IGF2BP3: variants seen among roughly 807,000 people sequenced by gnomAD.
IGF2BP3 encodes the protein insulin-like growth factor 2 mRNA-binding protein 3.
A neutral mutation model predicts 73.8 loss-of-function variants in IGF2BP3; 9 were observed. The observed-to-expected ratio is 0.12, with a 90% CI of 0.07 to 0.21. The LOEUF (loss-of-function observed/expected upper bound fraction) is 0.21, where lower values mean the gene tolerates loss of function less well. Ranked by LOEUF, IGF2BP3 falls within the 10% of genes least tolerant of loss-of-function variation. IGF2BP3 has a pLI of 1.00. For missense variants in IGF2BP3, 542 were observed against 714.0 expected (o/e 0.76, Z 2.75); for synonymous variants, 258 against 256.7 (o/e 1.01, Z -0.05).
At chr7:23,387,660 C>T (rs915714573) in intron 3 of IGF2BP3, among the ~76,000 whole-genome samples, 2 of 152,134 alleles carry the variant, frequency 1.3e-5, no homozygotes, top group African/African-American at 4.8e-5. Context: ...TTTAAATTAT[C>T]TGATTTTAAA....
chr7:23,411,519 T>C (rs868388645), intron 3 of IGF2BP3, among the ~76,000 whole-genome samples: 7 of 152,312 alleles, frequency 4.6e-5, no homozygotes, highest in African/African-American at 1.7e-4. Context: ...AGGTGGACAC[T>C]GTAGTGAGCA....
rs533279372 is a variant in IGF2BP3 at position 23,326,236 on chromosome 7, C to T, written c.1204-6982G>A. 1.6e-3 allele frequency among the ~76,000 whole-genome samples: 242 copies of T among 152,128 alleles called. 2 individuals carry two copies. Among genetic ancestry groups the T allele is most frequent in the African/African-American group, 5.6e-3 (234 of 41,492 alleles). ...AATTTACAGGAAAAAAACAAATAAC[C>T]CCATCAAAAAGTGGGCCAAGGACAT... On this transcript the variant is annotated intron_variant, in intron 10 of 14. Coordinates refer to ENST00000258729, the MANE Select transcript of IGF2BP3 (RefSeq NM_006547.3).
intron 10 of IGF2BP3, among the ~76,000 whole-genome samples, chr7:23,323,379 A>G (rs1417697172): frequency 1.4e-5 from 2 of 145,152 alleles, no homozygotes; most frequent in African/African-American, 5.4e-5. Context: ...ACTATCCTAA[A>G]TATATATGCA....
chr7:23,317,270 G>C (rs965566156), intron 12 of IGF2BP3, among the ~76,000 whole-genome samples: 2 of 152,274 alleles, frequency 1.3e-5, no homozygotes, highest in Non-Finnish European at 2.9e-5. Context: ...AAGGAAAAAG[G>C]GGGCATTTTA....
chr7:23,377,208 A>G (rs540583751), intron 3 of IGF2BP3, among the ~76,000 whole-genome samples: 8 of 152,246 alleles, frequency 5.3e-5, no homozygotes, highest in Non-Finnish European at 1.2e-4. Context: ...TAATGGGAGA[A>G]AATATTTGCA....
At chr7:23,429,507 T>C (rs1787613501) in intron 2 of IGF2BP3, among the ~76,000 whole-genome samples, 1 of 152,202 alleles carries the variant, frequency 6.6e-6, no homozygotes, top group Non-Finnish European at 1.5e-5. Flanking sequence ...CTGATTTCAC[T>C]TATAATCCAA....
Position 23,351,583 on chromosome 7 carries a change from T to G in IGF2BP3, c.405A>C (p.Ala135=). 6.2e-7 allele frequency: 1 copy of G among 1,614,044 alleles called. No homozygotes were observed. Among genetic ancestry groups the G allele is most frequent in the African/African-American group, 1.3e-5 (1 of 75,020 alleles). ...TYSSKDQARQ[A]LDKLNGFQLE... is the part of the protein sequence containing the mutation. ...ACTGAAATCCATTCAGTTTGTCTAG[T>G]GCTCTGAAAGTTGAAAAGGGGCAGG... Residue 135 remains alanine, a synonymous_variant, in exon 6 of 15, where the codon GCA becomes GCC. Coordinates refer to ENST00000258729, the MANE Select transcript of IGF2BP3 (RefSeq NM_006547.3).
rs1788619973 is a variant in IGF2BP3, at chr7:23,468,403, A to C, written c.236+79T>G. ...CACGGCAGGGGGTAAGCACCAGAGG[A>C]CAAGAAGTTCTCAGCTGAGTCTCTC... On this transcript the variant is annotated intron_variant, in intron 2 of 14. Coordinates refer to ENST00000258729, the MANE Select transcript of IGF2BP3 (RefSeq NM_006547.3). The C allele has an allele frequency of 2.8e-6, 4 of 1,440,710 alleles. No individual in the cohort carries two copies. In the South Asian group the frequency reaches 4.6e-5, roughly 16 times the overall value. The allele number at this position is 1,440,710 out of a possible 1,614,324, so 89.2% of individuals were successfully genotyped here. A position where few individuals can be genotyped will look rare whatever the true frequency, so the allele number is the denominator to read the frequency against.
intron 10 of IGF2BP3, 35 bp downstream of exon 10, chr7:23,342,029 C>T (rs755296245): frequency 6.6e-7 from 1 of 1,517,868 alleles, no homozygotes; most frequent in Non-Finnish European, 8.8e-7. Flanking sequence ...AAGATTTTGC[C>T]CAATCACAAA....
Position 23,351,342 on chromosome 7 carries a change from C to T in IGF2BP3, c.646G>A (p.Ala216Thr), listed in dbSNP as rs1274801230. 20 of 1,613,780 alleles carry T rather than the reference C, an allele frequency of 1.2e-5. No individual in the cohort carries two copies. The highest frequency in any genetic ancestry group is 1.6e-5 in the Non-Finnish European group (19 of 1,179,906). ...FVGAIIGKEGATIRNITKQTQ... is the reference protein window; with the variant it reads ...FVGAIIGKEGTTIRNITKQTQ... Reference sequence around the variant, plus strand: ...TGTTTGGTGATGTTCCGAATGGTGGCACCTTCTTTTCCTATGATGGCTCCA... The same window carrying T: ...TGTTTGGTGATGTTCCGAATGGTGGTACCTTCTTTTCCTATGATGGCTCCA... Residue 216 changes from alanine to threonine, a missense_variant, in exon 6 of 15, where the codon GCC (alanine) becomes ACC (threonine). By Grantham distance (58) the Ala-to-Thr change is moderately conservative. Around this residue, in one of 2 missense-constraint regions of IGF2BP3, gnomAD observed 303 missense variants for 472.1 expected, o/e 0.64. Transcript: ENST00000258729.
intron 3 of IGF2BP3, among the ~76,000 whole-genome samples, chr7:23,406,408 A>C (rs1786832354): frequency 6.6e-6 from 1 of 152,176 alleles, no homozygotes; most frequent in Non-Finnish European, 1.5e-5. Context: ...TTCAAGAATG[A>C]AGCCGTGGAC....
chr7:23,412,646 C>G (rs778748097), intron 3 of IGF2BP3, among the ~76,000 whole-genome samples: 1 of 152,062 alleles, frequency 6.6e-6, no homozygotes, highest in Admixed American at 6.6e-5. Flanking sequence ...ACCTTCCTTG[C>G]CCTTTCCTCT....
chr7:23,332,480 T>C (rs1315734489), intron 10 of IGF2BP3, among the ~76,000 whole-genome samples: 3 of 152,208 alleles, frequency 2.0e-5, no homozygotes, highest in African/African-American at 7.2e-5. Flanking sequence ...TATTCAGCAT[T>C]TTTAGAACAC....
At chr7:23,460,177 T>TAAAAAA (rs1788412108) in intron 2 of IGF2BP3, among the ~76,000 whole-genome samples, 1 of 36,884 alleles carries the variant, frequency 2.7e-5, no homozygotes, top group Non-Finnish European at 5.6e-5. Flanking sequence ...AGACCCTGCC[T>TAAAAAA]CAAAAAAAAA....
chr7:23,461,131 C>G (rs1000336118), intron 2 of IGF2BP3, among the ~76,000 whole-genome samples: 4 of 152,116 alleles, frequency 2.6e-5, no homozygotes, highest in Admixed American at 2.6e-4. Context: ...ACATCACTCT[C>G]GGTGGTATTC....
chr7:23,428,548 A>T (rs1430196273), intron 2 of IGF2BP3, among the ~76,000 whole-genome samples: 1 of 148,956 alleles, frequency 6.7e-6, no homozygotes, highest in African/African-American at 2.4e-5. Context: ...TATAATATAT[A>T]TTTTTAAAAA....
At position 23,351,537 on chromosome 7, in the gene IGF2BP3, C is replaced by T. The variant is rs547579398; in HGVS notation, c.451G>A (p.Val151Ile). Residue 151 changes from valine to isoleucine, a missense_variant, in exon 6 of 15, where the codon GTA (valine) becomes ATA (isoleucine). Physicochemically the swap from Val to Ile is conservative, Grantham distance 29. Coordinates refer to ENST00000258729, the MANE Select transcript of IGF2BP3 (RefSeq NM_006547.3). ...GCCATTTCATCAGGGATATAGGCTA[C>T]TTTCAAGGTGAAATTCTCTAACTGA... ...GFQLENFTLK[V>I]AYIPDEMAAQ... is the part of the protein sequence containing the mutation. 8.1e-6 allele frequency: 13 copies of T among 1,614,118 alleles called. No homozygotes were observed. The East Asian group carries it at 1.3e-4, about 17-fold the overall frequency.
chr7:23,441,686 A>G (rs1225333096), intron 2 of IGF2BP3, among the ~76,000 whole-genome samples: 1 of 151,856 alleles, frequency 6.6e-6, no homozygotes, highest in Non-Finnish European at 1.5e-5. Flanking sequence ...TCTACCAGAA[A>G]TTGCAAATTA....
intron 2 of IGF2BP3, among the ~76,000 whole-genome samples, chr7:23,432,701 C>T (rs71526008): frequency 0.039 from 5,886 of 151,512 alleles, 159 homozygotes; most frequent in South Asian, 0.094. Flanking sequence ...GTGCAAACGG[C>T]ATGATCTCTG....
Sources: gnomAD v4.1 joint callset for allele counts (sites outside exome capture counted in the v4.1 genomes callset) on GRCh38, gnomAD v4.1.1 for gene constraint, gnomAD v4.1.1 regional missense constraint, MANE v1.5 for transcripts, NCBI Gene and HGNC (gene_info 2026-07-23, HGNC 2026-07-21) for gene names.